PTPN12: variants seen among roughly 807,000 people sequenced by gnomAD.
PTPN12 encodes tyrosine-protein phosphatase non-receptor type 12.
In PTPN12, 29 loss-of-function variants were observed where a neutral mutation model predicts 97.6. The ratio of observed to expected loss-of-function variants is 0.30; its 90% CI spans 0.22 to 0.41. The LOEUF is 0.41. Ranked by LOEUF, PTPN12 falls within the 10% of genes least tolerant of loss-of-function variation. The probability of loss-of-function intolerance (pLI) is 1.00; values close to 1 mark genes in which losing one functional copy is unlikely to be tolerated. For synonymous variants in PTPN12, 327 were observed against 300.4 expected (o/e 1.09, Z -0.91); for missense variants, 819 against 926.0 (o/e 0.88, Z 1.50).
chr7:77,610,752 T>C lies in PTPN12; in HGVS notation c.763-13T>C, dbSNP rs2302473. Reference sequence around the variant, plus strand: ...AGATACACAAAGTTGATGTATTAAATTTTCTGTTTTAGAAAATACCAGAGG... The same window carrying C: ...AGATACACAAAGTTGATGTATTAAACTTTCTGTTTTAGAAAATACCAGAGG... On this transcript the variant is annotated splice_polypyrimidine_tract_variant and intron_variant, in intron 9 of 17. Transcript: ENST00000248594. 182,797 of 1,578,168 alleles carry C rather than the reference T, an allele frequency of 0.12. 18,651 individuals are homozygous for C. The highest frequency in any genetic ancestry group is 0.61 in the East Asian group (27,072 of 44,576).
At chr7:77,613,858 T>C (rs1302166364) in intron 11 of PTPN12, among the ~76,000 whole-genome samples, 2 of 151,804 alleles carry the variant, frequency 1.3e-5, no homozygotes, top group African/African-American at 4.8e-5. Context: ...AATTATAGGC[T>C]AAAGTTCTTT....
At chr7:77,592,151 G>T in intron 5 of PTPN12, 34 bp from the exon 6 acceptor site, 1 of 1,542,566 alleles carries the variant, frequency 6.5e-7, no homozygotes, top group Admixed American at 1.8e-5. Context: ...AAACTTACAT[G>T]AATTACTTAC....
chr7:77,632,184 A>T (rs1440311491), intron 13 of PTPN12, among the ~76,000 whole-genome samples, 164 bp from the exon 14 acceptor site: 4 of 152,272 alleles, frequency 2.6e-5, no homozygotes, highest in Admixed American at 6.5e-5. Flanking sequence ...CTCAATAAGC[A>T]TCATAATTCT....
At chr7:77,631,343 T>C (rs1789389095) in intron 13 of PTPN12, among the ~76,000 whole-genome samples, 1 of 152,178 alleles carries the variant, frequency 6.6e-6, no homozygotes, top group Non-Finnish European at 1.5e-5. Flanking sequence ...CATACTCACC[T>C]CATGCGTGTT....
At chr7:77,591,511 G>A (rs760329393) in intron 5 of PTPN12, among the ~76,000 whole-genome samples, 1 of 152,172 alleles carries the variant, frequency 6.6e-6, no homozygotes, top group African/African-American at 2.4e-5. Flanking sequence ...GAAGGTAAGA[G>A]GAGAAATTAT....
rs1789727830 is a variant in PTPN12 at position 77,639,644 on chromosome 7, TA to T, written c.*367del. On this transcript the variant is annotated 3_prime_UTR_variant, in exon 18 of 18. Coordinates refer to ENST00000248594, the MANE Select transcript of PTPN12 (RefSeq NM_002835.4). ...CAGGGCAAGTAGGTATATAATTTGA[TA>T]AAGTTGCAATTGAAATATTATTAAC... is the stretch of plus-strand genomic sequence containing the variant. 5.8e-6 allele frequency: 1 copy of T among 173,762 alleles called. No individual in the cohort carries two copies. The highest frequency in any genetic ancestry group is 2.0e-4 in the South Asian group (1 of 5,052). 10.8% of individuals were successfully genotyped at this position (173,762 alleles called of 1,614,324 possible). A position where few individuals can be genotyped will look rare whatever the true frequency, so the allele number is the denominator to read the frequency against.
chr7:77,590,215 T>C (rs952812293), intron 5 of PTPN12, among the ~76,000 whole-genome samples: 2 of 152,222 alleles, frequency 1.3e-5, no homozygotes, highest in South Asian at 2.1e-4. Context: ...TAGTTTTTGA[T>C]ATCATTATTA....
chr7:77,564,079 A>T (rs887698242), intron 1 of PTPN12: 1 of 242,718 alleles, frequency 4.1e-6, no homozygotes, highest in Non-Finnish European at 8.6e-6. Context: ...GGGTTTCACC[A>T]TGTTGGCCAG....
intron 1 of PTPN12, among the ~76,000 whole-genome samples, chr7:77,544,116 T>C (rs149763571): frequency 1.5e-4 from 23 of 152,320 alleles, no homozygotes; most frequent in African/African-American, 5.3e-4. Flanking sequence ...GCTGCACATA[T>C]TACATTCCAA....
intron 5 of PTPN12, among the ~76,000 whole-genome samples, chr7:77,590,285 G>A (rs1196668452): frequency 2.0e-5 from 3 of 152,264 alleles, no homozygotes; most frequent in Admixed American, 2.0e-4. Flanking sequence ...TGAATGAGGG[G>A]CATTGTTAGT....
At chr7:77,636,023 T>C (rs1461618565) in intron 15 of PTPN12, among the ~76,000 whole-genome samples, 174 bp downstream of exon 15, 1 of 152,150 alleles carries the variant, frequency 6.6e-6, no homozygotes, top group Non-Finnish European at 1.5e-5. Context: ...AAAAGGTAGG[T>C]TCTGAAATTT....
intron 17 of PTPN12, 115 bp downstream of exon 17, chr7:77,638,846 T>G (rs1275141269): frequency 6.4e-6 from 9 of 1,398,424 alleles, no homozygotes; most frequent in Non-Finnish European, 7.5e-6. Flanking sequence ...TTTTCCAAAG[T>G]TGCTTGGACT....
At chr7:77,552,341 G>A (rs1807517636) in intron 1 of PTPN12, among the ~76,000 whole-genome samples, 1 of 151,688 alleles carries the variant, frequency 6.6e-6, no homozygotes, top group African/African-American at 2.4e-5. Context: ...TAGAAGTACA[G>A]GATGAATATT....
At chr7:77,540,641 A>T in intron 1 of PTPN12, among the ~76,000 whole-genome samples, 1 of 146,356 alleles carries the variant, frequency 6.8e-6, no homozygotes. Flanking sequence ...CTATTCTTTT[A>T]TAGGGCTTTT....
intron 1 of PTPN12, among the ~76,000 whole-genome samples, chr7:77,560,185 TG>T (rs1318335363): frequency 2.6e-5 from 4 of 152,190 alleles, no homozygotes; most frequent in African/African-American, 9.6e-5. Flanking sequence ...AAATATTTTT[TG>T]GGAATATCAT....
chr7:77,627,278 T>C lies in PTPN12; in HGVS notation c.1599T>C (p.His533=), dbSNP rs1050431940. ...GCTTGCCTCTTGATGAGAAAGGACATGTAACGTGGTCATTTCATGGACCTG... is the reference window on the plus strand; with the variant it reads ...GCTTGCCTCTTGATGAGAAAGGACACGTAACGTGGTCATTTCATGGACCTG... ...PDRLPLDEKG[H]VTWSFHGPEN... is the part of the protein sequence containing the mutation. Residue 533 remains histidine (H), a synonymous_variant, in exon 13 of 18, where the codon CAT becomes CAC. Transcript: ENST00000248594. The C allele has an allele frequency of 4.3e-6, 7 of 1,614,064 alleles. No homozygotes were observed. In the Admixed American group the frequency reaches 5.0e-5, roughly 12 times the overall value.
At chr7:77,638,051 G>A (rs1327880871) in intron 16 of PTPN12, among the ~76,000 whole-genome samples, 1 of 135,594 alleles carries the variant, frequency 7.4e-6, no homozygotes, top group African/African-American at 2.7e-5. Flanking sequence ...TCCACCTCCT[G>A]GGTTCACAAC....
chr7:77,537,981 G>C (rs562074705), intron 1 of PTPN12: 58 of 973,708 alleles, frequency 6.0e-5, no homozygotes, highest in South Asian at 4.3e-4. Context: ...TGCAGGCCGG[G>C]GGGGGGGGCT....
intron 12 of PTPN12, among the ~76,000 whole-genome samples, chr7:77,625,472 G>GCTCGCTCGCTCT: frequency 1.2e-4 from 4 of 33,522 alleles, no homozygotes; most frequent in Admixed American, 5.1e-4. Context: ...CAGGCTGCTC[G>GCTCGCTCGCTCT]CTCTCTCTCT....
Sources: allele counts gnomAD v4.1 joint callset (sites outside exome capture counted in the v4.1 genomes callset), GRCh38; gene constraint gnomAD v4.1.1; transcripts MANE v1.5; gene names NCBI Gene and HGNC (gene_info 2026-07-23, HGNC 2026-07-21).